FAM163A: variants seen among roughly 807,000 people sequenced by gnomAD.
FAM163A encodes family with sequence similarity 163 member A.
Under a neutral mutation model 12.0 loss-of-function variants are expected in FAM163A, and 7 were observed. That is an observed-to-expected ratio of 0.58 (90% CI 0.33 to 1.10). The LOEUF (loss-of-function observed/expected upper bound fraction) is 1.10, where lower values mean the gene tolerates loss of function less well. FAM163A is among the 50% of genes least tolerant of loss of function. The pLI is 0.03. For synonymous variants in FAM163A, 101 were observed against 91.0 expected (o/e 1.11, Z -0.62); for missense variants, 202 against 218.6 (o/e 0.92, Z 0.48).
At chr1:179,740,987 C>T (rs941566588), upstream of FAM163A, among the ~76,000 whole-genome samples, 13 of 152,104 alleles carry the variant, frequency 8.5e-5, no homozygotes, top group Non-Finnish European at 1.5e-4. Flanking sequence ...ATTTAAAAAG[C>T]GACTCTTGAT....
At chr1:179,765,104 G>A (rs141821737) in intron 1 of FAM163A, among the ~76,000 whole-genome samples, 85 of 152,192 alleles carry the variant, frequency 5.6e-4, no homozygotes, top group Admixed American at 1.8e-3. Context: ...CCCCTTCCTC[G>A]TCCACCTCTT....
chr1:179,777,321 T>G (rs1316809338), intron 1 of FAM163A, among the ~76,000 whole-genome samples: 1 of 152,230 alleles, frequency 6.6e-6, no homozygotes, highest in Non-Finnish European at 1.5e-5. Flanking sequence ...ATATTACTCA[T>G]GACAGGTTTT....
chr1:179,731,738 A>G, the FAM163A span, among the ~76,000 whole-genome samples: 1 of 152,216 alleles, frequency 6.6e-6, no homozygotes, highest in Non-Finnish European at 1.5e-5. Context: ...TATTACTAGA[A>G]TACCATTTTT....
At chr1:179,732,543 A>C in the FAM163A span, among the ~76,000 whole-genome samples, 11 of 152,086 alleles carry the variant, frequency 7.2e-5, no homozygotes, top group African/African-American at 2.7e-4. Flanking sequence ...TCCCAAGATA[A>C]GAGACTGACC....
chr1:179,743,631 G>T (rs1198401988), intron 1 of FAM163A, among the ~76,000 whole-genome samples: 1 of 152,178 alleles, frequency 6.6e-6, no homozygotes, highest in African/African-American at 2.4e-5. Flanking sequence ...GTTCCCCACT[G>T]GGTCTGGGTC....
chr1:179,801,156 A>G (rs1326105412), intron 1 of FAM163A, among the ~76,000 whole-genome samples: 1 of 152,210 alleles, frequency 6.6e-6, no homozygotes, highest in African/African-American at 2.4e-5. Flanking sequence ...CAGAGAAGAA[A>G]AATATCACTC....
At chr1:179,764,609 C>G (rs16854685) in intron 1 of FAM163A, among the ~76,000 whole-genome samples, 17,374 of 152,216 alleles carry the variant, frequency 0.11, 1,104 homozygotes, top group Non-Finnish European at 0.13. Flanking sequence ...TTGAAATCCA[C>G]AGAATCCCCT....
the FAM163A span, among the ~76,000 whole-genome samples, chr1:179,737,669 A>C: frequency 1.3e-5 from 2 of 152,092 alleles, no homozygotes; most frequent in Non-Finnish European, 2.9e-5. Context: ...CTCCGTCTCT[A>C]CTAAAAATAC....
At chr1:179,779,428 A>C (rs1689429028) in intron 1 of FAM163A, among the ~76,000 whole-genome samples, 1 of 152,124 alleles carries the variant, frequency 6.6e-6, no homozygotes, top group Non-Finnish European at 1.5e-5. Context: ...CTGATACTTT[A>C]ATGAGAGCTG....
upstream of FAM163A, among the ~76,000 whole-genome samples, chr1:179,741,544 G>A (rs1236098749): frequency 6.6e-6 from 1 of 152,196 alleles, no homozygotes; most frequent in Non-Finnish European, 1.5e-5. Flanking sequence ...TAAAGTGCCA[G>A]AATGGACAAA....
chr1:179,785,684 G>A (rs1054795484), intron 1 of FAM163A, among the ~76,000 whole-genome samples: 2 of 152,126 alleles, frequency 1.3e-5, no homozygotes, highest in East Asian at 1.9e-4. Flanking sequence ...AAAATGGTTA[G>A]CACTTTAGGA....
At chr1:179,748,403 T>TA (rs879763769) in intron 1 of FAM163A, among the ~76,000 whole-genome samples, 13 of 152,042 alleles carry the variant, frequency 8.6e-5, no homozygotes, top group Admixed American at 5.9e-4. Flanking sequence ...CTATTAGTTT[T>TA]TAAAAAAAAT....
chr1:179,734,842 C>T, the FAM163A span, among the ~76,000 whole-genome samples: 2 of 152,104 alleles, frequency 1.3e-5, no homozygotes. Context: ...ATTATACTGC[C>T]AACATAAAAT....
intron 2 of FAM163A, among the ~76,000 whole-genome samples, chr1:179,811,275 G>T (rs182649148): frequency 7.2e-5 from 11 of 152,296 alleles, no homozygotes; most frequent in African/African-American, 2.6e-4. Context: ...ACAGCTGGTG[G>T]CAGGAAGGGT....
chr1:179,767,279 C>T (rs1687638871), intron 1 of FAM163A, among the ~76,000 whole-genome samples: 1 of 152,122 alleles, frequency 6.6e-6, no homozygotes, highest in Admixed American at 6.5e-5. Context: ...TGTTGCCTGG[C>T]TTCCCTTAGG....
At chr1:179,736,573 G>C in the FAM163A span, among the ~76,000 whole-genome samples, 2 of 152,160 alleles carry the variant, frequency 1.3e-5, no homozygotes, top group African/African-American at 4.8e-5. Context: ...ACTTTGGAAG[G>C]CCAAGGCGGG....
intron 1 of FAM163A, among the ~76,000 whole-genome samples, chr1:179,807,444 G>T (rs1361359850): frequency 1.3e-5 from 2 of 152,196 alleles, no homozygotes; most frequent in Admixed American, 1.3e-4. Flanking sequence ...ACTGAGCACA[G>T]ATCCAGATCC....
At chr1:179,740,170 T>G (rs1178746195), upstream of FAM163A, among the ~76,000 whole-genome samples, 1 of 115,138 alleles carries the variant, frequency 8.7e-6, no homozygotes, top group Non-Finnish European at 1.7e-5. Flanking sequence ...CTTTATTTGG[T>G]TTTTGTTGTT....
intron 1 of FAM163A, among the ~76,000 whole-genome samples, chr1:179,781,933 CAAAA>C (rs58962319): frequency 2.3e-4 from 27 of 119,418 alleles, no homozygotes; most frequent in African/African-American, 6.2e-4. Context: ...GAATCCGTAT[CAAAA>C]AAAAAAAAAA....
Sources: gnomAD v4.1 joint callset for allele counts (sites outside exome capture counted in the v4.1 genomes callset) on GRCh38, gnomAD v4.1.1 for gene constraint, MANE v1.5 for transcripts, NCBI Gene and HGNC (gene_info 2026-07-23, HGNC 2026-07-21) for gene names.